Variants in PRIM2 observed in about 807,000 individuals in gnomAD.
The protein encoded by PRIM2 is DNA primase subunit 2.
PRIM2 carries 39 observed loss-of-function variants against 67.3 expected under a neutral mutation model. The ratio of observed to expected loss-of-function variants is 0.58; its 90% CI spans 0.45 to 0.76. PRIM2 has a LOEUF of 0.76. PRIM2 is among the 30% of genes least tolerant of loss of function. The probability of loss-of-function intolerance (pLI) is 0.00; values close to 1 mark genes in which losing one functional copy is unlikely to be tolerated. For synonymous variants in PRIM2, 143 were observed against 198.7 expected (o/e 0.72, Z 2.36); for missense variants, 398 against 598.7 (o/e 0.66, Z 3.50).
rs1469445673 is a variant in PRIM2, at chr6:57,538,031, G to A, written c.1020+406G>A. On this transcript the variant is annotated intron_variant, in intron 10 of 13. Transcript: ENST00000615550. ...ATAAACTTTTGTTTTTTTTTTTCGA[G>A]ACAGGGTCTTCTTCTGTTGCCCAGG... Among the ~76,000 whole-genome samples, 7 of 148,876 alleles carry A rather than the reference G, an allele frequency of 4.7e-5. No individual in the cohort carries two copies. The South Asian group carries it at 1.1e-3, about 22-fold the overall frequency.
intron 13 of PRIM2, among the ~76,000 whole-genome samples, chr6:57,635,972 C>G (rs1190735593): frequency 6.6e-6 from 1 of 152,108 alleles, no homozygotes; most frequent in Non-Finnish European, 1.5e-5. Flanking sequence ...TATAATGTAT[C>G]CTCTAAAGGC....
chr6:57,397,868 A>G (rs1467451154), intron 7 of PRIM2, among the ~76,000 whole-genome samples: 4 of 142,050 alleles, frequency 2.8e-5, no homozygotes, highest in African/African-American at 5.2e-5. Context: ...CAGTTGTGAT[A>G]TTAAGTTGCT....
At chr6:57,617,780 A>T (rs1776781609) in intron 12 of PRIM2, among the ~76,000 whole-genome samples, 1 of 152,132 alleles carries the variant, frequency 6.6e-6, no homozygotes, top group African/African-American at 2.4e-5. Context: ...TTCTTTTGTT[A>T]CTTGTGCTTT....
intron 10 of PRIM2, among the ~76,000 whole-genome samples, chr6:57,583,661 C>T (rs1198589128): frequency 2.0e-5 from 3 of 151,964 alleles, no homozygotes; most frequent in Non-Finnish European, 2.9e-5. Flanking sequence ...TTTATAGCAG[C>T]ATGATTTATA....
intron 5 of PRIM2, among the ~76,000 whole-genome samples, chr6:57,361,942 A>T (rs1769214742): frequency 2.6e-5 from 4 of 152,136 alleles, no homozygotes. Context: ...TTAATGTAGG[A>T]AGGCGTCATT....
intron 10 of PRIM2, among the ~76,000 whole-genome samples, chr6:57,563,380 A>G (rs1185512300): frequency 6.6e-6 from 1 of 151,574 alleles, no homozygotes; most frequent in African/African-American, 2.4e-5. Flanking sequence ...TGTATAGTAG[A>G]GGAAGCACTG....
At chr6:57,622,232 A>G (rs1436935444) in intron 12 of PRIM2, among the ~76,000 whole-genome samples, 1 of 152,222 alleles carries the variant, frequency 6.6e-6, no homozygotes, top group South Asian at 2.1e-4. Flanking sequence ...TGAAATGACA[A>G]TATTTTAGAT....
the PRIM2 span, among the ~76,000 whole-genome samples, chr6:57,228,580 C>T: frequency 2.6e-5 from 4 of 152,216 alleles, no homozygotes; most frequent in Non-Finnish European, 2.9e-5. Context: ...GAGACATGTG[C>T]GATAATGAGG....
chr6:57,304,904 G>A, the PRIM2 span, among the ~76,000 whole-genome samples: 2 of 152,194 alleles, frequency 1.3e-5, no homozygotes, highest in Non-Finnish European at 2.9e-5. Context: ...TGGCCCCTAA[G>A]TGATAGATTA....
chr6:57,326,111 G>T (rs1422661461), intron 5 of PRIM2, 66 bp downstream of exon 5: 1 of 1,569,268 alleles, frequency 6.4e-7, no homozygotes, highest in South Asian at 1.2e-5. Flanking sequence ...TGTCTTAAGT[G>T]CTGGTACTAA....
chr6:57,492,543 A>G (rs1263349184), intron 7 of PRIM2, among the ~76,000 whole-genome samples: 18 of 53,390 alleles, frequency 3.4e-4, no homozygotes, highest in Non-Finnish European at 5.9e-4. Flanking sequence ...AACTCTCTCT[A>G]AAAAAAAAAA....
At chr6:57,349,937 T>G (rs1768807765) in intron 5 of PRIM2, among the ~76,000 whole-genome samples, 1 of 152,198 alleles carries the variant, frequency 6.6e-6, no homozygotes, top group Admixed American at 6.5e-5. Flanking sequence ...TGACTTACTT[T>G]CAGTACCCTT....
rs79960345 is a variant in PRIM2 at position 57,326,060 on chromosome 6, G to T, written c.459+15G>T. ...AGTTTGAGGCTGTAAGTATATTTTT[G>T]TAGTTATTTCTAATTGTTCTCACCA... On this transcript the variant is annotated intron_variant, in intron 5 of 13. Transcript: ENST00000615550. 2 of 1,608,366 alleles carry T rather than the reference G, an allele frequency of 1.2e-6. No homozygotes were observed. Among genetic ancestry groups the T allele is most frequent in the East Asian group, 2.2e-5 (1 of 44,680 alleles).
chr6:57,634,862 A>G (rs1204433268), intron 13 of PRIM2, among the ~76,000 whole-genome samples: 1 of 152,230 alleles, frequency 6.6e-6, no homozygotes, highest in Non-Finnish European at 1.5e-5. Flanking sequence ...ATATAAAAAT[A>G]GTCTAACTAA....
At chr6:57,455,519 T>G (rs1389068762) in intron 7 of PRIM2, among the ~76,000 whole-genome samples, 2 of 152,230 alleles carry the variant, frequency 1.3e-5, no homozygotes, top group African/African-American at 4.8e-5. Flanking sequence ...CTTGTTGAAT[T>G]GATCCCTTTA....
the PRIM2 span, among the ~76,000 whole-genome samples, chr6:57,249,467 C>T: frequency 2.6e-5 from 4 of 152,128 alleles, no homozygotes; most frequent in South Asian, 2.1e-4. Flanking sequence ...TTAGGTTGGG[C>T]GTGGTGGCTC....
At position 57,513,742 on chromosome 6, in the gene PRIM2, C is replaced by T. The variant is rs1554347934; in HGVS notation, c.761+6288C>T. ...TACAAAAATTAGCCCACTGTGGTGG[C>T]GCGCACCTGTAATCCCAGCTGCTCA... On this transcript the variant is annotated intron_variant, in intron 8 of 13. Coordinates refer to ENST00000615550, the MANE Select transcript of PRIM2 (RefSeq NM_000947.5). Among the ~76,000 whole-genome samples, 256 of 152,232 alleles carry T rather than the reference C, an allele frequency of 1.7e-3. 1 individual carries two copies. Among genetic ancestry groups the T allele is most frequent in the African/African-American group, 4.0e-3 (168 of 41,550 alleles).
intron 5 of PRIM2, among the ~76,000 whole-genome samples, chr6:57,376,621 T>C (rs1769774585): frequency 6.6e-6 from 1 of 152,264 alleles, no homozygotes; most frequent in Non-Finnish European, 1.5e-5. Flanking sequence ...TGGGATTGTA[T>C]TGAATCTATA....
intron 10 of PRIM2, among the ~76,000 whole-genome samples, chr6:57,588,500 A>T (rs1776233585): frequency 6.6e-6 from 1 of 151,346 alleles, no homozygotes; most frequent in Non-Finnish European, 1.5e-5. Context: ...GGAGGAAAAT[A>T]GACAATTCTC....
Sources: gnomAD v4.1 joint callset for allele counts (sites outside exome capture counted in the v4.1 genomes callset) on GRCh38, gnomAD v4.1.1 for gene constraint, MANE v1.5 for transcripts, NCBI Gene and HGNC (gene_info 2026-07-23, HGNC 2026-07-21) for gene names.